The following NRXN3 variants were observed in gnomAD, a reference collection of about 807,000 sequenced individuals.
NRXN3 encodes neurexin III.
A neutral mutation model predicts 137.6 loss-of-function variants in NRXN3; 32 were observed. The observed-to-expected ratio is 0.23, with a 90% CI of 0.18 to 0.31. NRXN3 has a LOEUF of 0.31. Ranked by LOEUF, NRXN3 falls within the 10% of genes least tolerant of loss-of-function variation. The probability of loss-of-function intolerance (pLI) is 1.00; values close to 1 mark genes in which losing one functional copy is unlikely to be tolerated. For synonymous variants in NRXN3, 798 were observed against 784.5 expected (o/e 1.02, Z -0.29); for missense variants, 1,574 against 2,062.5 (o/e 0.76, Z 4.59).
chr14:79,380,243 G>A (rs1350024229), intron 15 of NRXN3, among the ~76,000 whole-genome samples: 1 of 147,306 alleles, frequency 6.8e-6, no homozygotes, highest in Admixed American at 7.0e-5. Context: ...CATGTGCACA[G>A]TGTGCAGGTT....
Position 78,715,037 on chromosome 14 carries a change from G to A in NRXN3, c.1942G>A (p.Asp648Asn). 1 of 1,613,986 alleles carries A rather than the reference G, an allele frequency of 6.2e-7. No homozygotes were observed. The highest frequency in any genetic ancestry group is 8.5e-7 in the Non-Finnish European group (1 of 1,180,024). The change falls in exon 8 of 21, where the codon GAC (aspartate) becomes AAC (asparagine). Residue 648 changes from aspartate to asparagine, a missense_variant. Physicochemically the swap from Asp to Asn is conservative, Grantham distance 23. Around this residue, in one of 5 missense-constraint regions of NRXN3, gnomAD observed 718 missense variants for 887.6 expected, o/e 0.81. Coordinates refer to ENST00000335750, the MANE Select transcript of NRXN3 (RefSeq NM_001330195.2). ...SCSRMSAKQC[D>N]SYPCKNNAVC... The stretch of plus-strand genomic sequence containing the variant: ...TTCACGGATGAGTGCCAAGCAGTGT[G>A]ACAGCTACCCCTGCAAGAATAATGC...
chr14:79,561,177 G>A (rs1167705157), intron 16 of NRXN3, among the ~76,000 whole-genome samples: 2 of 152,182 alleles, frequency 1.3e-5, no homozygotes, highest in Non-Finnish European at 1.5e-5. Flanking sequence ...GGCTCTGCAA[G>A]AGACGGATGT....
chr14:78,688,190 AC>A (rs1342022898), intron 6 of NRXN3, among the ~76,000 whole-genome samples: 3 of 152,170 alleles, frequency 2.0e-5, no homozygotes, highest in Non-Finnish European at 4.4e-5. Context: ...CCTGTTGAGA[AC>A]CCTCAAGTTC....
chr14:78,981,346 A>G (rs755593677), intron 14 of NRXN3, among the ~76,000 whole-genome samples: 1 of 152,202 alleles, frequency 6.6e-6, no homozygotes, highest in Non-Finnish European at 1.5e-5. Flanking sequence ...ACACATGCAC[A>G]TTCCCCACTC....
chr14:78,444,064 A>G (rs763470332), intron 4 of NRXN3, among the ~76,000 whole-genome samples: 4 of 152,226 alleles, frequency 2.6e-5, no homozygotes, highest in Non-Finnish European at 2.9e-5. Flanking sequence ...GAACTGAAAT[A>G]TTAAGATTTC....
At chr14:79,284,691 GGGCCC>G (rs926480038) in intron 15 of NRXN3, among the ~76,000 whole-genome samples, 2 of 151,996 alleles carry the variant, frequency 1.3e-5, no homozygotes, top group Non-Finnish European at 2.9e-5. Flanking sequence ...TGGTGGTGAT[GGGCCC>G]CCTTGTGACA....
chr14:78,629,743 A>G (rs1351131870), intron 4 of NRXN3, among the ~76,000 whole-genome samples: 3 of 152,232 alleles, frequency 2.0e-5, no homozygotes, highest in Non-Finnish European at 4.4e-5. Context: ...GATGACTGTG[A>G]GGTGCTATGG....
At chr14:78,766,613 C>T (rs368744402) in intron 8 of NRXN3, among the ~76,000 whole-genome samples, 2 of 152,224 alleles carry the variant, frequency 1.3e-5, no homozygotes, top group East Asian at 3.9e-4. Flanking sequence ...TTGTCTTCTT[C>T]GGATTCCATG....
rs527628866 is a variant in NRXN3 at position 78,232,111 on chromosome 14, G to C, written c.-703-10280G>C. ...CATTGCTCTGCAGGAGGTGTGGTCT[G>C]TGCCTCATACCTGTGAGGTGTGCCC... On this transcript the variant is annotated intron_variant, in intron 1 of 20. Transcript: ENST00000335750. Among the ~76,000 whole-genome samples, 14 of 152,352 alleles carry C rather than the reference G, an allele frequency of 9.2e-5. No homozygotes were observed. The South Asian group carries it at 1.0e-3, about 11-fold the overall frequency.
chr14:79,565,582 C>A (rs554261612), intron 16 of NRXN3, among the ~76,000 whole-genome samples: 2 of 151,906 alleles, frequency 1.3e-5, no homozygotes, highest in Non-Finnish European at 2.9e-5. Context: ...TAGGTATAGT[C>A]ACTTGCTCTA....
At chr14:78,497,907 G>T (rs1350079786) in intron 4 of NRXN3, among the ~76,000 whole-genome samples, 2 of 152,164 alleles carry the variant, frequency 1.3e-5, no homozygotes, top group African/African-American at 2.4e-5. Flanking sequence ...ATTAATTCAA[G>T]TCCTTTTCAT....
chr14:79,783,138 G>A (rs992806625), intron 19 of NRXN3, among the ~76,000 whole-genome samples: 1 of 152,172 alleles, frequency 6.6e-6, no homozygotes, highest in East Asian at 1.9e-4. Context: ...TGATAGAAGT[G>A]TGTTTTTAAT....
At chr14:79,615,472 CT>C (rs1485639710) in intron 16 of NRXN3, among the ~76,000 whole-genome samples, 6 of 152,166 alleles carry the variant, frequency 3.9e-5, no homozygotes. Context: ...TTTGCTTGTC[CT>C]TTTTGGAAGT....
chr14:79,125,934 A>C (rs889642864), intron 15 of NRXN3, among the ~76,000 whole-genome samples: 2 of 152,094 alleles, frequency 1.3e-5, no homozygotes, highest in Admixed American at 1.3e-4. Flanking sequence ...CTTTCGTTAA[A>C]AGCATGTTTT....
In NRXN3 at chr14:78,870,968, G is replaced by A. The variant is rs180795096; in HGVS notation, c.2275+60624G>A. ...TTTCTTTATCCATTCATCTACTGATGGATTCTTGGGTTGATTTCATATCTT... is the reference window on the plus strand; with the variant it reads ...TTTCTTTATCCATTCATCTACTGATAGATTCTTGGGTTGATTTCATATCTT... On this transcript the variant is annotated intron_variant, in intron 10 of 20. Transcript: ENST00000335750. Among the ~76,000 whole-genome samples the A allele has an allele frequency of 2.1e-3, 315 of 150,872 alleles. 1 individual carries two copies. The highest frequency in any genetic ancestry group is 6.7e-3 in the African/African-American group (277 of 41,082).
intron 15 of NRXN3, among the ~76,000 whole-genome samples, chr14:79,358,599 GAAAGAAAGAGAA>G (rs1308508995): frequency 7.4e-5 from 7 of 94,898 alleles, no homozygotes; most frequent in African/African-American, 1.4e-4. Context: ...AAGAAAGAAA[GAAAGAAAGAGAA>G]AGAAAGAAAG....
At chr14:78,262,484 A>G (rs537752603) in intron 2 of NRXN3, among the ~76,000 whole-genome samples, 2 of 152,276 alleles carry the variant, frequency 1.3e-5, no homozygotes, top group Admixed American at 6.5e-5. Context: ...TGGGACTAGA[A>G]AGCAATAATG....
intron 16 of NRXN3, among the ~76,000 whole-genome samples, chr14:79,498,098 G>C (rs1389040477): frequency 6.6e-6 from 1 of 152,080 alleles, no homozygotes; most frequent in Non-Finnish European, 1.5e-5. Context: ...GTTTAAAATA[G>C]TTATATCTGA....
chr14:78,726,085 C>T (rs930365028), intron 8 of NRXN3, among the ~76,000 whole-genome samples: 4 of 152,132 alleles, frequency 2.6e-5, no homozygotes, highest in Non-Finnish European at 5.9e-5. Flanking sequence ...ATTCTCACCT[C>T]TTCATGAAGC....
Sources: allele counts gnomAD v4.1 joint callset (sites outside exome capture counted in the v4.1 genomes callset), GRCh38; gene constraint gnomAD v4.1.1; regional missense constraint gnomAD v4.1.1; transcripts MANE v1.5; gene names NCBI Gene and HGNC (gene_info 2026-07-23, HGNC 2026-07-21).